The following NEK11 variants were observed in gnomAD, a reference collection of about 807,000 sequenced individuals.
NEK11 encodes NIMA related kinase 11.
In NEK11, 72 loss-of-function variants were observed where a neutral mutation model predicts 80.7. The observed-to-expected ratio is 0.89, with a 90% CI of 0.74 to 1.08. NEK11 has a LOEUF of 1.08. Ranked by LOEUF, NEK11 falls within the 50% of genes least tolerant of loss-of-function variation. The probability of loss-of-function intolerance (pLI) is 0.00; values close to 1 mark genes in which losing one functional copy is unlikely to be tolerated. For synonymous variants in NEK11, 251 were observed against 260.7 expected (o/e 0.96, Z 0.36); for missense variants, 764 against 763.6 (o/e 1.00, Z -0.01).
At chr3:131,127,638 C>A (rs559768198) in intron 5 of NEK11, among the ~76,000 whole-genome samples, 65 of 150,984 alleles carry the variant, frequency 4.3e-4, no homozygotes, top group African/African-American at 1.6e-3. Context: ...ATTTCTATAT[C>A]TCTTTTTTTC....
At chr3:131,225,877 G>A (rs905528391) in intron 14 of NEK11, among the ~76,000 whole-genome samples, 2 of 152,176 alleles carry the variant, frequency 1.3e-5, no homozygotes, top group African/African-American at 4.8e-5. Flanking sequence ...CGACTATAAA[G>A]ATATTTATAA....
intron 14 of NEK11, among the ~76,000 whole-genome samples, chr3:131,188,870 C>G (rs1164261281): frequency 6.6e-6 from 1 of 152,104 alleles, no homozygotes; most frequent in African/African-American, 2.4e-5. Context: ...AAAGATATGT[C>G]TGCTTGGAAC....
intron 3 of NEK11, among the ~76,000 whole-genome samples, chr3:131,075,863 A>G (rs2074266333): frequency 6.6e-6 from 1 of 152,234 alleles, no homozygotes; most frequent in Non-Finnish European, 1.5e-5. Flanking sequence ...GATTTGTTAC[A>G]GAACACAGAT....
intron 17 of NEK11, among the ~76,000 whole-genome samples, chr3:131,276,586 G>T (rs1025984816): frequency 6.6e-6 from 1 of 151,964 alleles, no homozygotes; most frequent in African/African-American, 2.4e-5. Flanking sequence ...TCACATTTTT[G>T]TAATTTTTCT....
At chr3:131,223,148 A>G (rs542105771) in intron 14 of NEK11, among the ~76,000 whole-genome samples, 101 of 152,354 alleles carry the variant, frequency 6.6e-4, no homozygotes, top group South Asian at 3.5e-3. Context: ...CCTTAGTGAC[A>G]GGAGAAAGGA....
chr3:131,265,528 C>T (rs66509771), intron 16 of NEK11, among the ~76,000 whole-genome samples: 23,220 of 151,984 alleles, frequency 0.15, 1,963 homozygotes, highest in South Asian at 0.23. Context: ...TATTGATTTG[C>T]CTAAGTTTAA....
At chr3:131,178,253 G>C (rs964838306) in intron 14 of NEK11, among the ~76,000 whole-genome samples, 5 of 152,010 alleles carry the variant, frequency 3.3e-5, no homozygotes, top group Admixed American at 6.6e-5. Context: ...TTATATATAA[G>C]CACTGTATAT....
intron 5 of NEK11, among the ~76,000 whole-genome samples, chr3:131,117,123 G>A (rs1281191146): frequency 6.6e-6 from 1 of 152,208 alleles, no homozygotes; most frequent in Non-Finnish European, 1.5e-5. Context: ...TAACAGTTAA[G>A]TCTTTAATCC....
intron 12 of NEK11, among the ~76,000 whole-genome samples, chr3:131,166,634 C>A (rs2092264570): frequency 6.6e-6 from 1 of 152,288 alleles, no homozygotes; most frequent in East Asian, 1.9e-4. Context: ...TTCCATCCCC[C>A]TTTTCCCACC....
intron 13 of NEK11, among the ~76,000 whole-genome samples, chr3:131,169,560 C>G (rs1430569854): frequency 6.6e-6 from 1 of 152,114 alleles, no homozygotes; most frequent in Admixed American, 6.5e-5. Flanking sequence ...AGAATCACAG[C>G]TTAAAACAGT....
rs916030356 is a variant in NEK11, at chr3:131,050,690, T to C, written c.170+20812T>C. Among the ~76,000 whole-genome samples the C allele has an allele frequency of 2.6e-5, 4 of 152,348 alleles. No individual in the cohort carries two copies. The East Asian group carries it at 7.7e-4, about 29-fold the overall frequency. ...TTTATTAGACCATATAAAAATGCCA[T>C]ATATTTTCCACATATATAGAAAGCA... On this transcript the variant is annotated intron_variant, in intron 3 of 17. Coordinates refer to ENST00000383366, the MANE Select transcript of NEK11 (RefSeq NM_024800.5).
intron 14 of NEK11, among the ~76,000 whole-genome samples, chr3:131,223,686 A>G (rs577280812): frequency 1.3e-4 from 20 of 152,314 alleles, no homozygotes; most frequent in African/African-American, 4.3e-4. Flanking sequence ...TTGTTTTACT[A>G]TCTAGCCCTT....
intron 4 of NEK11, among the ~76,000 whole-genome samples, chr3:131,104,653 G>A (rs939228806): frequency 2.4e-4 from 37 of 152,130 alleles, no homozygotes; most frequent in African/African-American, 6.3e-4. Context: ...AGCACCGTGC[G>A]TGTGGTACCT....
At chr3:131,233,387 C>T (rs2095371282) in intron 15 of NEK11, among the ~76,000 whole-genome samples, 1 of 152,184 alleles carries the variant, frequency 6.6e-6, no homozygotes, top group African/African-American at 2.4e-5. Flanking sequence ...CTCCTTGCAG[C>T]AGGGTCTATC....
chr3:131,030,241 A>T (rs2064607950), intron 3 of NEK11, among the ~76,000 whole-genome samples: 1 of 152,184 alleles, frequency 6.6e-6, no homozygotes, highest in East Asian at 1.9e-4. Context: ...TGACAAAAAA[A>T]AAAAAAGAAC....
intron 17 of NEK11, among the ~76,000 whole-genome samples, chr3:131,313,772 C>T (rs2096805347): frequency 6.6e-6 from 1 of 152,148 alleles, no homozygotes; most frequent in South Asian, 2.1e-4. Context: ...GGGGACTTTA[C>T]AACAAACACT....
At chr3:131,161,170 A>G (rs1465804595) in intron 10 of NEK11, among the ~76,000 whole-genome samples, 2 of 152,022 alleles carry the variant, frequency 1.3e-5, no homozygotes, top group East Asian at 1.9e-4. Context: ...AAAAAGAAAA[A>G]AAAAGTCAAA....
In NEK11 at chr3:131,278,113, G is replaced by C. The variant is rs116646553; in HGVS notation, c.1718+4539G>C. 9.6e-3 allele frequency among the ~76,000 whole-genome samples: 1,467 copies of C among 152,318 alleles called. 15 individuals are homozygous for C. The highest frequency in any genetic ancestry group is 0.032 in the African/African-American group (1,312 of 41,570). On this transcript the variant is annotated intron_variant, in intron 17 of 17. Transcript: ENST00000383366. ...TCTTTTTAGCATGCGAAAAGTGCTA[G>C]TGCCAATTCTCTGAGAAAATGCCAT... is the stretch of plus-strand genomic sequence containing the variant.
At chr3:131,299,575 T>A (rs114357193) in intron 17 of NEK11, among the ~76,000 whole-genome samples, 3,505 of 152,334 alleles carry the variant, frequency 0.023, 97 homozygotes, top group Admixed American at 0.089. Flanking sequence ...CCCTTCTTTG[T>A]GTTCATGTAT....
Sources: gnomAD v4.1 joint callset for allele counts (sites outside exome capture counted in the v4.1 genomes callset) on GRCh38, gnomAD v4.1.1 for gene constraint, MANE v1.5 for transcripts, NCBI Gene and HGNC (gene_info 2026-07-23, HGNC 2026-07-21) for gene names.